SLC9A8: variants seen among roughly 807,000 people sequenced by gnomAD.
SLC9A8 encodes solute carrier family 9 member A8, also known as sodium/hydrogen exchanger 8.
A neutral mutation model predicts 66.6 loss-of-function variants in SLC9A8; 48 were observed. The ratio of observed to expected loss-of-function variants is 0.72; its 90% CI spans 0.57 to 0.92. SLC9A8 has a LOEUF of 0.92. Ranked by LOEUF, SLC9A8 falls within the 40% of genes least tolerant of loss-of-function variation. The pLI is 0.00. For synonymous variants in SLC9A8, 274 were observed against 282.6 expected, an observed-to-expected ratio of 0.97 and a Z score of 0.31; for missense variants, 599 against 747.3, an observed-to-expected ratio of 0.80 and a Z score of 2.31.
intron 10 of SLC9A8, among the ~76,000 whole-genome samples, chr20:49,873,482 CAAAA>C (rs3092533): frequency 2.9e-5 from 3 of 103,082 alleles, no homozygotes; most frequent in Admixed American, 1.1e-4. Flanking sequence ...ACCCTGTCTC[CAAAA>C]AAAAAAAAAA....
At chr20:49,819,326 G>T (rs956094973) in intron 2 of SLC9A8, among the ~76,000 whole-genome samples, 7 of 152,114 alleles carry the variant, frequency 4.6e-5, no homozygotes, top group Non-Finnish European at 7.4e-5. Flanking sequence ...GCCCTTTCTT[G>T]CTCGGTTTTT....
chr20:49,830,178 T>C, intron 3 of SLC9A8: 3 of 772,686 alleles, frequency 3.9e-6, no homozygotes, highest in Non-Finnish European at 7.2e-6. Flanking sequence ...TGGTTCCACC[T>C]CCATCCGGGC....
Position 49,842,260 on chromosome 20 carries a change from G to C in SLC9A8, c.348+2661G>C, listed in dbSNP as rs8124084. On this transcript the variant is annotated intron_variant, in intron 4 of 15. Coordinates refer to ENST00000361573, the MANE Select transcript of SLC9A8 (RefSeq NM_015266.3). ...AATTTTTGTATTTTTAGTAGAGATG[G>C]GGTTTCACCAAATTGGCCAGGCTGG... Among the ~76,000 whole-genome samples the C allele has an allele frequency of 4.2e-3, 631 of 150,102 alleles. 3 individuals are homozygous for C. Among genetic ancestry groups the C allele is most frequent in the African/African-American group, 0.015 (609 of 40,850 alleles).
At position 49,878,018 on chromosome 20, in the gene SLC9A8, T is replaced by C. The variant is rs75015580; in HGVS notation, c.1113T>C (p.Phe371=). Residue 371 remains phenylalanine (F), a synonymous_variant, in exon 12 of 16, where the codon TTT becomes TTC. Transcript: ENST00000361573. ...TTGCATTTCTTGGCCTGTCCATTTT[T>C]AGTTTTCCTCACAAGTTTGAAATTT... ...CVFAFLGLSI[F]SFPHKFEISF... is the part of the protein sequence containing the mutation. 168 of 1,606,200 alleles carry C rather than the reference T, an allele frequency of 1.0e-4. 1 individual carries two copies. The African/African-American group carries it at 2.1e-3, about 20-fold the overall frequency.
Position 49,814,997 on chromosome 20 carries a change from A to G in SLC9A8, c.27-11A>G, listed in dbSNP as rs980769977. 47 of 1,506,772 alleles carry G rather than the reference A, an allele frequency of 3.1e-5. No individual in the cohort carries two copies. Among genetic ancestry groups the G allele is most frequent in the Middle Eastern group, 1.8e-4 (1 of 5,674 alleles). 93.3% of individuals were successfully genotyped at this position (1,506,772 alleles called of 1,614,324 possible). On this transcript the variant is annotated splice_polypyrimidine_tract_variant and intron_variant, in intron 1 of 15. Coordinates refer to ENST00000361573, the MANE Select transcript of SLC9A8 (RefSeq NM_015266.3). ...TTTCCATTATCTAATTATGCTTTCT[A>G]TGTCCTCCAGGAGGTTCCCCAATAC...
chr20:49,883,736 T>G, intron 13 of SLC9A8, 110 bp from the exon 14 acceptor site: 1 of 813,502 alleles, frequency 1.2e-6, no homozygotes, highest in Non-Finnish European at 1.9e-6. Context: ...GCAGGGCCAT[T>G]AGAATAGTCA....
chr20:49,885,146 C>T (rs542286186), intron 14 of SLC9A8, among the ~76,000 whole-genome samples: 1 of 152,324 alleles, frequency 6.6e-6, no homozygotes, highest in East Asian at 1.9e-4. Context: ...TGCAGAACTT[C>T]CACCACACTA....
chr20:49,884,227 C>CACACACGCG lies in SLC9A8; in HGVS notation c.1491+167_1491+168insGCGACACAC, dbSNP rs1555848219. The CACACACGCG allele has an allele frequency of 4.9e-3, 1,056 of 213,862 alleles. 5 individuals carry two copies. Among genetic ancestry groups the CACACACGCG allele is most frequent in the South Asian group, 0.013 (322 of 25,242 alleles). 13.2% of individuals were successfully genotyped at this position (213,862 alleles called of 1,614,324 possible). A position where few individuals can be genotyped will look rare whatever the true frequency, so the allele number is the denominator to read the frequency against. ...ACACACACACACACACACACACACACACACACACACACACGACACACACAC... is the reference window on the plus strand; with the variant it reads ...ACACACACACACACACACACACACACACACACGCGACACACACACACACGACACACACAC... On this transcript the variant is annotated intron_variant, in intron 14 of 15. Coordinates refer to ENST00000361573, the MANE Select transcript of SLC9A8 (RefSeq NM_015266.3).
At chr20:49,862,904 AT>A in intron 8 of SLC9A8, 24 bp from the exon 9 acceptor site, 1 of 1,572,538 alleles carries the variant, frequency 6.4e-7, no homozygotes, top group Non-Finnish European at 8.7e-7. Context: ...ATTTTAATTT[AT>A]TTCTGTTTTC....
chr20:49,816,519 A>G (rs961923678), intron 2 of SLC9A8, among the ~76,000 whole-genome samples: 1 of 152,172 alleles, frequency 6.6e-6, no homozygotes, highest in East Asian at 1.9e-4. Context: ...TGGTTGTCAT[A>G]CCAGGCTGAT....
At chr20:49,833,570 C>T (rs925478939) in intron 3 of SLC9A8, among the ~76,000 whole-genome samples, 2 of 152,150 alleles carry the variant, frequency 1.3e-5, no homozygotes, top group East Asian at 1.9e-4. Context: ...AGTGAGCGAG[C>T]GAGCATTGGC....
At chr20:49,851,604 C>A (rs1358937532) in intron 7 of SLC9A8, among the ~76,000 whole-genome samples, 1 of 152,178 alleles carries the variant, frequency 6.6e-6, no homozygotes, top group African/African-American at 2.4e-5. Context: ...TCAGAGCTTT[C>A]AGGATTTAGC....
In SLC9A8 at chr20:49,889,307, G is replaced by A. The variant is rs2089991254; in HGVS notation, c.*1371G>A. ...TTAAGAAGCATTCCTGCTTCTCAAGGGACACAGTGGCCTGCATGGGCCAGC... is the reference window on the plus strand; with the variant it reads ...TTAAGAAGCATTCCTGCTTCTCAAGAGACACAGTGGCCTGCATGGGCCAGC... On this transcript the variant is annotated 3_prime_UTR_variant, in exon 16 of 16. Coordinates refer to ENST00000361573, the MANE Select transcript of SLC9A8 (RefSeq NM_015266.3). The A allele has an allele frequency of 6.6e-6, 1 of 152,294 alleles. No homozygotes were observed. Among genetic ancestry groups the A allele is most frequent in the Admixed American group, 6.5e-5 (1 of 15,292 alleles). The allele number at this position is 152,294 out of a possible 1,614,324, so 9.4% of individuals were successfully genotyped here.
chr20:49,834,433 GTATATA>G (rs765521098), intron 3 of SLC9A8, among the ~76,000 whole-genome samples: 3 of 28,172 alleles, frequency 1.1e-4, no homozygotes, highest in Non-Finnish European at 2.0e-4. Flanking sequence ...TATATATACT[GTATATA>G]TATATATATA....
chr20:49,817,330 A>C (rs1600622409), intron 2 of SLC9A8, among the ~76,000 whole-genome samples: 1 of 151,522 alleles, frequency 6.6e-6, no homozygotes. Flanking sequence ...ACCCCCCCAA[A>C]AAAACAAAAA....
At chr20:49,854,748 C>T (rs1003820302) in intron 7 of SLC9A8, among the ~76,000 whole-genome samples, 8 of 152,180 alleles carry the variant, frequency 5.3e-5, no homozygotes, top group African/African-American at 1.9e-4. Flanking sequence ...TAGTAGCAGT[C>T]TCATACAGTC....
intron 3 of SLC9A8, chr20:49,829,878 C>T (rs965422142): frequency 4.2e-5 from 24 of 568,818 alleles, no homozygotes; most frequent in African/African-American, 2.1e-4. Flanking sequence ...GGGGTGTCTT[C>T]GGGCTCTTCA....
chr20:49,832,148 C>T (rs1397889430), intron 3 of SLC9A8, among the ~76,000 whole-genome samples: 1 of 152,182 alleles, frequency 6.6e-6, no homozygotes. Context: ...CTCTGTCCTC[C>T]CTTCTCCCCA....
chr20:49,870,467 G>C (rs1402485507), intron 10 of SLC9A8, among the ~76,000 whole-genome samples: 1 of 152,204 alleles, frequency 6.6e-6, no homozygotes, highest in East Asian at 1.9e-4. Context: ...AGCAGGAACT[G>C]CAGGAGCCAG....
Sources: allele counts gnomAD v4.1 joint callset (sites outside exome capture counted in the v4.1 genomes callset), GRCh38; gene constraint gnomAD v4.1.1; transcripts MANE v1.5; gene names NCBI Gene and HGNC (gene_info 2026-07-23, HGNC 2026-07-21).